Variants in WWOX observed in about 807,000 individuals in gnomAD.
WWOX encodes the protein WW domain containing oxidoreductase.
Under a neutral mutation model 46.2 loss-of-function variants are expected in WWOX, and 69 were observed. The ratio of observed to expected loss-of-function variants is 1.49; its 90% confidence interval spans 1.23 to 1.82. WWOX has a LOEUF of 1.82. Among genes scored for constraint, WWOX ranks in the 40% most tolerant of loss-of-function variants. The probability of loss-of-function intolerance (pLI) is 0.00; values close to 1 mark genes in which losing one functional copy is unlikely to be tolerated. For missense variants in WWOX, 919 were observed against 542.6 expected, an observed-to-expected ratio of 1.69 and a Z score of -6.89; for synonymous variants, 359 against 202.6, an observed-to-expected ratio of 1.77 and a Z score of -6.56.
chr16:79,096,338 G>C (rs1367810024), intron 8 of WWOX, among the ~76,000 whole-genome samples: 1 of 151,994 alleles, frequency 6.6e-6, no homozygotes, highest in Non-Finnish European at 1.5e-5. Context: ...CCATGCTCTC[G>C]AGCTGGCCAT....
chr16:79,094,156 T>C (rs1267149079), intron 8 of WWOX, among the ~76,000 whole-genome samples: 1 of 152,196 alleles, frequency 6.6e-6, no homozygotes, highest in African/African-American at 2.4e-5. Context: ...CAACTGTGCA[T>C]GTAGGGTTGC....
rs1374167435 is a variant in WWOX at position 78,877,232 on chromosome 16, A to C, written c.1057-334376A>C. On this transcript the variant is annotated intron_variant, in intron 8 of 8. Coordinates refer to ENST00000566780, the MANE Select transcript of WWOX (RefSeq NM_016373.4). ...CCCATTTCAGGCTGATTAAAAGGCAAAATCGTCACAGTAGGACACCAAACC... is the reference window on the plus strand; with the variant it reads ...CCCATTTCAGGCTGATTAAAAGGCACAATCGTCACAGTAGGACACCAAACC... Among the ~76,000 whole-genome samples the C allele has an allele frequency of 2.0e-5, 3 of 152,280 alleles. No individual in the cohort carries two copies. The East Asian group carries it at 5.8e-4, about 29-fold the overall frequency.
At chr16:78,649,035 G>A (rs1326352119) in intron 8 of WWOX, among the ~76,000 whole-genome samples, 1 of 152,086 alleles carries the variant, frequency 6.6e-6, no homozygotes, top group Non-Finnish European at 1.5e-5. Context: ...GTGCAGCAGT[G>A]TGATCTTGGC....
chr16:79,056,094 G>C (rs1297791170), intron 8 of WWOX, among the ~76,000 whole-genome samples: 1 of 150,272 alleles, frequency 6.7e-6, no homozygotes, highest in African/African-American at 2.5e-5. Flanking sequence ...TAAAAAAAAA[G>C]GAAAACCACT....
intron 8 of WWOX, among the ~76,000 whole-genome samples, chr16:79,019,560 C>T (rs750160318): frequency 2.6e-5 from 4 of 152,010 alleles, no homozygotes; most frequent in Non-Finnish European, 1.5e-5. Flanking sequence ...CCATGACTAT[C>T]GTCTCTTTTA....
At chr16:78,137,236 G>A (rs148269981) in intron 4 of WWOX, among the ~76,000 whole-genome samples, 1 of 152,266 alleles carries the variant, frequency 6.6e-6, no homozygotes, top group East Asian at 1.9e-4. Flanking sequence ...AGACTGCAAC[G>A]TAAATGTGTG....
chr16:78,749,743 G>T (rs567269840), intron 8 of WWOX, among the ~76,000 whole-genome samples: 30 of 152,282 alleles, frequency 2.0e-4, no homozygotes, highest in African/African-American at 6.7e-4. Flanking sequence ...CTCCGTTAAA[G>T]CCGTATTGGA....
At chr16:78,497,708 G>A (rs1288295953) in intron 8 of WWOX, among the ~76,000 whole-genome samples, 2 of 152,142 alleles carry the variant, frequency 1.3e-5, no homozygotes, top group Non-Finnish European at 2.9e-5. Flanking sequence ...TTCATGATTG[G>A]ATTTCCAAAA....
At chr16:78,419,931 C>T (rs57774709) in intron 6 of WWOX, among the ~76,000 whole-genome samples, 13,327 of 151,950 alleles carry the variant, frequency 0.088, 1,673 homozygotes, top group African/African-American at 0.28. Context: ...AGAACTTTTA[C>T]AATTCAATAA....
intron 5 of WWOX, among the ~76,000 whole-genome samples, chr16:78,322,282 A>G (rs1325389841): frequency 6.6e-6 from 1 of 152,102 alleles, no homozygotes; most frequent in Non-Finnish European, 1.5e-5. Flanking sequence ...CCTTCTGTGT[A>G]TTAGCCAGCA....
At chr16:78,902,114 C>T (rs968900819) in intron 8 of WWOX, among the ~76,000 whole-genome samples, 1 of 152,170 alleles carries the variant, frequency 6.6e-6, no homozygotes, top group Non-Finnish European at 1.5e-5. Flanking sequence ...TGGCAGACAG[C>T]ATCTACATCC....
chr16:78,497,107 A>C (rs1262873722), intron 8 of WWOX, among the ~76,000 whole-genome samples: 1 of 152,256 alleles, frequency 6.6e-6, no homozygotes, highest in Non-Finnish European at 1.5e-5. Flanking sequence ...TTGCTTTGGC[A>C]TAAAACAACA....
intron 8 of WWOX, among the ~76,000 whole-genome samples, chr16:78,992,299 C>G (rs1172670140): frequency 1.1e-4 from 1 of 9,092 alleles, no homozygotes; most frequent in Admixed American, 2.1e-3. Context: ...CCGGTCTCTA[C>G]TAAAAATACA....
chr16:78,801,311 A>C (rs1488329687), intron 8 of WWOX, among the ~76,000 whole-genome samples: 2 of 152,106 alleles, frequency 1.3e-5, no homozygotes, highest in African/African-American at 4.8e-5. Flanking sequence ...GGAGTTTGAG[A>C]CCACCCTGGC....
intron 8 of WWOX, among the ~76,000 whole-genome samples, chr16:78,942,818 C>T (rs952554333): frequency 6.6e-5 from 10 of 152,138 alleles, no homozygotes; most frequent in East Asian, 1.9e-4. Context: ...TCTGGTTTCC[C>T]GGAAGGGATG....
intron 8 of WWOX, among the ~76,000 whole-genome samples, chr16:79,162,127 C>G (rs891562258): frequency 5.3e-5 from 8 of 152,292 alleles, no homozygotes; most frequent in African/African-American, 1.9e-4. Context: ...GTGTTCCTAC[C>G]TGTGAGTAAA....
intron 8 of WWOX, among the ~76,000 whole-genome samples, chr16:78,622,618 C>T (rs553477474): frequency 6.6e-6 from 1 of 152,046 alleles, no homozygotes; most frequent in Non-Finnish European, 1.5e-5. Context: ...CCCAGTGATA[C>T]CCCACCTCCT....
At chr16:78,943,530 C>T (rs1342090536) in intron 8 of WWOX, among the ~76,000 whole-genome samples, 1 of 152,158 alleles carries the variant, frequency 6.6e-6, no homozygotes, top group Non-Finnish European at 1.5e-5. Context: ...CGAGCTTTAT[C>T]AGAGCAGCCT....
At chr16:78,557,641 T>TCG (rs1452222638) in intron 8 of WWOX, among the ~76,000 whole-genome samples, 1 of 151,098 alleles carries the variant, frequency 6.6e-6, no homozygotes, top group Non-Finnish European at 1.5e-5. Context: ...GTCTTATTTT[T>TCG]CATTTTGCCC....
Sources: gnomAD v4.1 joint callset for allele counts (sites outside exome capture counted in the v4.1 genomes callset) on GRCh38, gnomAD v4.1.1 for gene constraint, MANE v1.5 for transcripts, NCBI Gene and HGNC (gene_info 2026-07-23, HGNC 2026-07-21) for gene names.